The following TEX2 variants were observed in gnomAD, a reference collection of about 807,000 sequenced individuals.
The protein encoded by TEX2 is testis-expressed protein 2.
Under a neutral mutation model 106.9 loss-of-function variants are expected in TEX2, and 53 were observed. The ratio of observed to expected loss-of-function variants is 0.50; its 90% CI spans 0.40 to 0.62. TEX2 has a LOEUF of 0.62. TEX2 is among the 20% of genes least tolerant of loss of function. The pLI, the probability that TEX2 is intolerant of heterozygous loss-of-function variation, is 0.00. For missense variants in TEX2, 1,207 were observed against 1,379.0 expected, an observed-to-expected ratio of 0.88 and a Z score of 1.98; for synonymous variants, 523 against 534.8, an observed-to-expected ratio of 0.98 and a Z score of 0.30.
intron 1 of TEX2, among the ~76,000 whole-genome samples, chr17:64,222,898 T>C (rs2033399761): frequency 6.6e-6 from 1 of 152,162 alleles, no homozygotes. Context: ...TCCGGTATGT[T>C]TCCAGAAAGC....
chr17:64,170,422 G>A (rs1202896724), intron 7 of TEX2, among the ~76,000 whole-genome samples: 2 of 152,118 alleles, frequency 1.3e-5, no homozygotes, highest in Non-Finnish European at 2.9e-5. Context: ...GGCTAGGGCT[G>A]GGGCAGCTGC....
intron 5 of TEX2, 21 bp downstream of exon 5, chr17:64,188,147 C>T (rs117962928): frequency 0.019 from 30,850 of 1,597,878 alleles, 386 homozygotes; most frequent in Non-Finnish European, 0.024. Context: ...GAAAAAGGTC[C>T]GGCCCAGCAG....
In TEX2 at chr17:64,150,946, C is replaced by T; in HGVS notation, c.3156G>A (p.Lys1052=). 6.2e-7 allele frequency: 1 copy of T among 1,613,882 alleles called. No homozygotes were observed. The highest frequency in any genetic ancestry group is 8.5e-7 in the Non-Finnish European group (1 of 1,179,874). ...PTDRVWYGFR[K]PPHVELKARP... ...GAGCTTTCAGCTCCACATGTGGTGG[C>T]TTTCGGAAACCATACCTTTTTGAAG... The change falls in exon 11 of 12, where the codon AAG becomes AAA. Residue 1052 remains lysine, a synonymous_variant. Coordinates refer to ENST00000584379, the MANE Select transcript of TEX2 (RefSeq NM_001288732.2).
At chr17:64,211,086 A>G (rs142894763) in intron 2 of TEX2, among the ~76,000 whole-genome samples, 4,740 of 152,078 alleles carry the variant, frequency 0.031, 119 homozygotes, top group South Asian at 0.1. Context: ...TCAGCCTCCC[A>G]AGTAGCTGAG....
In TEX2 at chr17:64,217,408, A is replaced by G. The variant is rs2033217966; in HGVS notation, c.-25-3166T>C. ...TGGTTTGTCCAAGGGCACAGCACTGACAACATGGGCTTCCTGACACTGAGG... is the reference window on the plus strand; with the variant it reads ...TGGTTTGTCCAAGGGCACAGCACTGGCAACATGGGCTTCCTGACACTGAGG... On this transcript the variant is annotated intron_variant, in intron 1 of 11. Coordinates refer to ENST00000584379, the MANE Select transcript of TEX2 (RefSeq NM_001288732.2). The surrounding 1 kb of genome is among the most constrained non-coding windows in gnomAD (Gnocchi z 4.3). Among the ~76,000 whole-genome samples, 6 of 152,230 alleles carry G rather than the reference A, an allele frequency of 3.9e-5. No individual in the cohort carries two copies. The South Asian group carries it at 1.2e-3, about 32-fold the overall frequency.
chr17:64,178,768 C>T (rs749166902), intron 5 of TEX2, among the ~76,000 whole-genome samples: 1 of 152,236 alleles, frequency 6.6e-6, no homozygotes, highest in Non-Finnish European at 1.5e-5. Context: ...CATGGGCTGG[C>T]TGCAGCTATA....
intron 1 of TEX2, among the ~76,000 whole-genome samples, chr17:64,252,978 G>A (rs911225267): frequency 6.6e-6 from 1 of 152,004 alleles, no homozygotes. Context: ...TGGCCAGTGT[G>A]CCTGGAATAC....
chr17:64,249,439 GCAGAC>G (rs1222815792), intron 1 of TEX2, among the ~76,000 whole-genome samples: 7 of 152,184 alleles, frequency 4.6e-5, no homozygotes, highest in South Asian at 2.1e-4. Context: ...TAAAATGCTT[GCAGAC>G]CATAAGAAAG....
intron 1 of TEX2, among the ~76,000 whole-genome samples, chr17:64,227,136 G>A (rs1567956468): frequency 2.7e-5 from 4 of 150,890 alleles, no homozygotes; most frequent in African/African-American, 9.7e-5. Flanking sequence ...TGAGGCAGGA[G>A]AATTACTTGA....
chr17:64,182,814 T>A (rs925577056), intron 5 of TEX2, among the ~76,000 whole-genome samples: 33 of 152,040 alleles, frequency 2.2e-4, no homozygotes, highest in African/African-American at 6.8e-4. Context: ...AATAAACTTA[T>A]TTTTATTGCA....
At position 64,149,094 on chromosome 17, in the gene TEX2, G is replaced by A; in HGVS notation, c.3262-3C>T. The stretch of plus-strand genomic sequence containing the variant: ...ATGTTTGGCATGACAAAAACTTTCT[G>A]TAGGAAGATATTAAAGAACAGCTAT... On this transcript the variant is annotated splice_region_variant and splice_polypyrimidine_tract_variant and intron_variant, in intron 11 of 11. Coordinates refer to ENST00000584379, the MANE Select transcript of TEX2 (RefSeq NM_001288732.2). The A allele has an allele frequency of 6.2e-7, 1 of 1,613,600 alleles. No homozygotes were observed. Among genetic ancestry groups the A allele is most frequent in the Non-Finnish European group, 8.5e-7 (1 of 1,179,692 alleles).
At chr17:64,186,604 C>T (rs1456501854) in intron 5 of TEX2, among the ~76,000 whole-genome samples, 1 of 152,076 alleles carries the variant, frequency 6.6e-6, no homozygotes, top group Non-Finnish European at 1.5e-5. Flanking sequence ...ATCTCTTGAG[C>T]TCAGGAGTTC....
chr17:64,239,504 C>T (rs764450716), intron 1 of TEX2, among the ~76,000 whole-genome samples: 1 of 152,162 alleles, frequency 6.6e-6, no homozygotes, highest in Non-Finnish European at 1.5e-5. Context: ...TGCATGTTTC[C>T]AACCCAAATC....
At chr17:64,218,008 C>A (rs376987900) in intron 1 of TEX2, among the ~76,000 whole-genome samples, 1 of 152,160 alleles carries the variant, frequency 6.6e-6, no homozygotes, top group South Asian at 2.1e-4. Flanking sequence ...GGTCTGGAGT[C>A]TGGTTGTCTG....
At chr17:64,184,938 C>T (rs1015775729) in intron 5 of TEX2, among the ~76,000 whole-genome samples, 1 of 152,090 alleles carries the variant, frequency 6.6e-6, no homozygotes, top group South Asian at 2.1e-4. Flanking sequence ...TAACTTAGTG[C>T]AACAAAAACA....
At chr17:64,191,869 A>G (rs1274415265) in intron 4 of TEX2, among the ~76,000 whole-genome samples, 2 of 151,988 alleles carry the variant, frequency 1.3e-5, no homozygotes, top group East Asian at 3.9e-4. Context: ...AAAGGTAAAA[A>G]GAATACAATT....
chr17:64,164,245 C>CT (rs1445917131), intron 7 of TEX2, among the ~76,000 whole-genome samples: 1 of 152,104 alleles, frequency 6.6e-6, no homozygotes, highest in Non-Finnish European at 1.5e-5. Context: ...CAAGACCAGC[C>CT]TGGCCATCAT....
At chr17:64,174,207 C>G (rs1358099060) in intron 6 of TEX2, among the ~76,000 whole-genome samples, 2 of 152,186 alleles carry the variant, frequency 1.3e-5, no homozygotes, top group Non-Finnish European at 2.9e-5. Flanking sequence ...AATAAAGAGA[C>G]AGCAGGAACA....
intron 1 of TEX2, among the ~76,000 whole-genome samples, chr17:64,246,890 C>A (rs1476608586): frequency 6.6e-6 from 1 of 152,188 alleles, no homozygotes; most frequent in Non-Finnish European, 1.5e-5. Flanking sequence ...ACGTGAGGGA[C>A]CCCCTTTTCT....
Sources: allele counts gnomAD v4.1 joint callset (sites outside exome capture counted in the v4.1 genomes callset), GRCh38; gene constraint gnomAD v4.1.1; non-coding constraint Gnocchi (gnomAD v3.1); transcripts MANE v1.5; gene names NCBI Gene and HGNC (gene_info 2026-07-23, HGNC 2026-07-21).